The following DERA variants were observed in gnomAD, a reference collection of about 807,000 sequenced individuals.
DERA encodes deoxyribose-phosphate aldolase, also known as 2-deoxy-D-ribose 5-phosphate aldolase.
Under a neutral mutation model 41.1 loss-of-function variants are expected in DERA, and 15 were observed. The ratio of observed to expected loss-of-function variants is 0.37; its 90% CI spans 0.24 to 0.56. DERA has a LOEUF of 0.56. Among genes scored for constraint, DERA ranks in the 20% least tolerant of loss-of-function variants. The pLI, the probability that DERA is intolerant of heterozygous loss-of-function variation, is 0.81. For missense variants in DERA, 396 were observed against 403.4 expected (o/e 0.98, Z 0.16); for synonymous variants, 139 against 137.4 (o/e 1.01, Z -0.08).
chr12:16,030,709 A>T (rs1267608985), intron 6 of DERA, among the ~76,000 whole-genome samples: 1 of 152,174 alleles, frequency 6.6e-6, no homozygotes, highest in Non-Finnish European at 1.5e-5. Flanking sequence ...TCTCCATAGA[A>T]CTTATCTCCA....
Position 15,911,440 on chromosome 12 carries a change from C to A in DERA, c.31+26C>A. ...GTAAGGGGCCCGCGGGGCTCCCCAT[C>A]CCCTCTCCCTCGCGTTCAGCGCCGC... On this transcript the variant is annotated intron_variant, in intron 1 of 8. Transcript: ENST00000428559. The surrounding 1 kb of genome is among the most constrained non-coding windows in gnomAD (Gnocchi z 4.5). The A allele has an allele frequency of 1.4e-6, 2 of 1,411,382 alleles. No individual in the cohort carries two copies. The highest frequency in any genetic ancestry group is 1.5e-5 in the African/African-American group (1 of 66,902). 87.4% of individuals were successfully genotyped at this position (1,411,382 alleles called of 1,614,324 possible). A position where few individuals can be genotyped will look rare whatever the true frequency, so the allele number is the denominator to read the frequency against.
intron 1 of DERA, among the ~76,000 whole-genome samples, chr12:15,944,673 G>C (rs1035844677): frequency 6.6e-6 from 1 of 152,190 alleles, no homozygotes; most frequent in African/African-American, 2.4e-5. Context: ...CTCCCATTCT[G>C]TAGGTTGCCT....
intron 1 of DERA, chr12:15,951,367 A>C (rs936900334): frequency 6.6e-6 from 1 of 152,246 alleles, no homozygotes; most frequent in Non-Finnish European, 1.5e-5. Flanking sequence ...TTTCTGCCTG[A>C]CATTGTGTAG....
rs1948355658 is a variant in DERA at position 15,935,131 on chromosome 12, T to C, written c.32-21805T>C. 6.6e-6 allele frequency among the ~76,000 whole-genome samples: 1 copy of C among 152,204 alleles called. No individual in the cohort carries two copies. The highest frequency in any genetic ancestry group is 2.1e-4 in the South Asian group (1 of 4,826). On this transcript the variant is annotated intron_variant, in intron 1 of 8. Transcript: ENST00000428559. This position sits in a 1 kb window ranked among gnomAD's most constrained non-coding sequence, Gnocchi z 4.8. ...AAAAACTAAAAATATACTAGTTTTCTAAATAAATTGAGCTGAATTTAAATA... is the reference window on the plus strand; with the variant it reads ...AAAAACTAAAAATATACTAGTTTTCCAAATAAATTGAGCTGAATTTAAATA...
intron 6 of DERA, among the ~76,000 whole-genome samples, chr12:16,016,031 G>T (rs563447886): frequency 6.6e-6 from 1 of 152,260 alleles, no homozygotes; most frequent in East Asian, 1.9e-4. Flanking sequence ...TCACAAAGTT[G>T]TGCAGCCATC....
intron 1 of DERA, among the ~76,000 whole-genome samples, chr12:15,912,619 A>G (rs1443290793): frequency 6.6e-6 from 1 of 152,088 alleles, no homozygotes; most frequent in East Asian, 1.9e-4. Context: ...AATAGGATAC[A>G]TGTAAAGTAG....
rs1018411581 is a variant in DERA, at chr12:15,998,356, C to T, written c.637+15920C>T. Among the ~76,000 whole-genome samples the T allele has an allele frequency of 1.5e-4, 23 of 151,972 alleles. No individual in the cohort carries two copies. The highest frequency in any genetic ancestry group is 4.4e-4 in the African/African-American group (18 of 41,366). ...ATTTAGAGACGGAGTCTAGCTGTGT[C>T]GCCCAGGCTAGAGTGCAATGGCCGG... On this transcript the variant is annotated intron_variant, in intron 6 of 8. Coordinates refer to ENST00000428559, the MANE Select transcript of DERA (RefSeq NM_015954.4). The surrounding 1 kb of genome is among the most constrained non-coding windows in gnomAD (Gnocchi z 4.8).
At chr12:15,939,853 T>C (rs1948396715) in intron 1 of DERA, among the ~76,000 whole-genome samples, 1 of 152,216 alleles carries the variant, frequency 6.6e-6, no homozygotes, top group Non-Finnish European at 1.5e-5. Flanking sequence ...AATGTCACCT[T>C]TTTCACAAAG....
intron 6 of DERA, among the ~76,000 whole-genome samples, chr12:16,007,948 T>A (rs575010482): frequency 1.3e-5 from 2 of 152,144 alleles, no homozygotes; most frequent in African/African-American, 2.4e-5. Flanking sequence ...CCTGCTGTGT[T>A]CAAGCGATTC....
intron 1 of DERA, among the ~76,000 whole-genome samples, chr12:15,948,714 C>T (rs1234648631): frequency 1.3e-5 from 2 of 152,224 alleles, no homozygotes; most frequent in African/African-American, 4.8e-5. Context: ...AAGTCATTCT[C>T]TGTCCAGCTT....
chr12:15,981,581 C>T lies in DERA; in HGVS notation c.509-727C>T, dbSNP rs992812039. Among the ~76,000 whole-genome samples, 6 of 152,146 alleles carry T rather than the reference C, an allele frequency of 3.9e-5. No homozygotes were observed. The highest frequency in any genetic ancestry group is 1.4e-4 in the African/African-American group (6 of 41,434). ...TAATTTGCTTACTAAAATCCTGCTA[C>T]CTTTCATGTAAAATGTTACCTTGAA... is the stretch of plus-strand genomic sequence containing the variant. On this transcript the variant is annotated intron_variant, in intron 5 of 8. Transcript: ENST00000428559. This position sits in a 1 kb window ranked among gnomAD's most constrained non-coding sequence, Gnocchi z 6.1.
At chr12:15,952,090 A>G (rs912188198) in intron 1 of DERA, among the ~76,000 whole-genome samples, 1 of 152,124 alleles carries the variant, frequency 6.6e-6, no homozygotes, top group African/African-American at 2.4e-5. Flanking sequence ...TAGTGGAGAC[A>G]GGGTTTCACC....
intron 1 of DERA, chr12:15,951,325 G>T (rs1236756417): frequency 2.0e-5 from 3 of 152,242 alleles, no homozygotes; most frequent in Non-Finnish European, 4.4e-5. Flanking sequence ...TCTTTTCTAT[G>T]GGAACAGAAA....
intron 6 of DERA, among the ~76,000 whole-genome samples, chr12:15,997,316 T>TA (rs545479698): frequency 3.3e-5 from 5 of 152,008 alleles, no homozygotes; most frequent in South Asian, 4.1e-4. Flanking sequence ...ATTTGCTGTT[T>TA]AAAAAAAATA....
rs536827566 is a variant in DERA, at chr12:15,954,566, C to A, written c.32-2370C>A. 1.3e-5 allele frequency among the ~76,000 whole-genome samples: 2 copies of A among 152,250 alleles called. No homozygotes were observed. Among genetic ancestry groups the A allele is most frequent in the African/African-American group, 2.4e-5 (1 of 41,564 alleles). On this transcript the variant is annotated intron_variant, in intron 1 of 8. Transcript: ENST00000428559. This position sits in a 1 kb window ranked among gnomAD's most constrained non-coding sequence, Gnocchi z 4.0. ...GAAGGAGCTTGCAGCATGCACAGAT[C>A]CAGAGACAGCCTGGCATAATGTGTC...
rs1425109343 is a variant in DERA, at chr12:15,943,974, C to A, written c.32-12962C>A. Among the ~76,000 whole-genome samples, 1 of 147,624 alleles carries A rather than the reference C, an allele frequency of 6.8e-6. No homozygotes were observed. The highest frequency in any genetic ancestry group is 1.5e-5 in the Non-Finnish European group (1 of 67,304). On this transcript the variant is annotated intron_variant, in intron 1 of 8. Transcript: ENST00000428559. This position sits in a 1 kb window ranked among gnomAD's most constrained non-coding sequence, Gnocchi z 4.5. ...ATTCCCACCTATGAGTGAGAACATG[C>A]GGTGTTTGGTTTTTTGTCCTTGTGA...
intron 1 of DERA, chr12:15,951,535 T>G (rs1948497379): frequency 6.6e-6 from 1 of 152,224 alleles, no homozygotes; most frequent in Admixed American, 6.5e-5. Flanking sequence ...TGCCTTTCAT[T>G]CTACCTGTCC....
intron 5 of DERA, among the ~76,000 whole-genome samples, chr12:15,969,651 A>T (rs1008519893): frequency 6.6e-6 from 1 of 152,224 alleles, no homozygotes; most frequent in African/African-American, 2.4e-5. Flanking sequence ...ATGAAATATC[A>T]GCACCAAAGT....
intron 7 of DERA, 187 bp downstream of exon 7, chr12:16,032,841 G>C (rs1047087829): frequency 5.4e-6 from 3 of 555,196 alleles, no homozygotes; most frequent in Admixed American, 3.3e-5. Flanking sequence ...TGAACAGAAA[G>C]TGAGTTGTGA....
Sources: allele counts gnomAD v4.1 joint callset (sites outside exome capture counted in the v4.1 genomes callset), GRCh38; gene constraint gnomAD v4.1.1; non-coding constraint Gnocchi (gnomAD v3.1); transcripts MANE v1.5; gene names NCBI Gene and HGNC (gene_info 2026-07-23, HGNC 2026-07-21).